Variants in ST8SIA1 observed in about 807,000 individuals in gnomAD.
ST8SIA1 encodes the protein alpha-N-acetylneuraminide alpha-2,8-sialyltransferase.
Under a neutral mutation model 35.9 loss-of-function variants are expected in ST8SIA1, and 16 were observed. The ratio of observed to expected loss-of-function variants is 0.45; its 90% CI spans 0.30 to 0.68. The LOEUF is 0.68. Ranked by LOEUF, ST8SIA1 falls within the 30% of genes least tolerant of loss-of-function variation. The probability of loss-of-function intolerance (pLI) is 0.09; values close to 1 mark genes in which losing one functional copy is unlikely to be tolerated. For synonymous variants in ST8SIA1, 170 were observed against 169.6 expected (o/e 1.00, Z -0.02); for missense variants, 383 against 453.6 (o/e 0.84, Z 1.41).
intron 2 of ST8SIA1, among the ~76,000 whole-genome samples, chr12:22,273,547 T>G (rs1170811811): frequency 6.6e-6 from 1 of 152,188 alleles, no homozygotes; most frequent in Non-Finnish European, 1.5e-5. Context: ...TTCCTGGTCA[T>G]GAGACAAGAA....
intron 2 of ST8SIA1, among the ~76,000 whole-genome samples, chr12:22,261,409 G>A (rs1461149258): frequency 3.9e-5 from 6 of 152,208 alleles, no homozygotes; most frequent in Non-Finnish European, 5.9e-5. Flanking sequence ...GATTACAGGC[G>A]TGAGCCACCA....
chr12:22,316,456 G>A (rs1007018341), intron 1 of ST8SIA1, among the ~76,000 whole-genome samples: 7 of 151,954 alleles, frequency 4.6e-5, no homozygotes, highest in Non-Finnish European at 7.4e-5. Flanking sequence ...GGAAAAAGTT[G>A]GATCTCTACC....
At chr12:22,307,853 G>A (rs1866404304) in intron 1 of ST8SIA1, among the ~76,000 whole-genome samples, 1 of 152,040 alleles carries the variant, frequency 6.6e-6, no homozygotes, top group Non-Finnish European at 1.5e-5. Flanking sequence ...TAAGCCAGGT[G>A]GTATTATCCT....
chr12:22,284,338 T>A (rs553101324), intron 2 of ST8SIA1, among the ~76,000 whole-genome samples: 1 of 152,340 alleles, frequency 6.6e-6, no homozygotes, highest in South Asian at 2.1e-4. Flanking sequence ...GCTTTGTTCA[T>A]GCTGAAAACG....
intron 4 of ST8SIA1, among the ~76,000 whole-genome samples, chr12:22,224,858 T>C (rs955352007): frequency 6.6e-6 from 1 of 152,206 alleles, no homozygotes; most frequent in Non-Finnish European, 1.5e-5. Flanking sequence ...AACTTCAGAA[T>C]GTGACTTTAT....
chr12:22,240,659 C>G (rs1177943495), intron 4 of ST8SIA1, among the ~76,000 whole-genome samples: 2 of 152,056 alleles, frequency 1.3e-5, no homozygotes, highest in Non-Finnish European at 2.9e-5. Flanking sequence ...TAATCTTGGA[C>G]CCAAGTTATT....
At chr12:22,246,762 T>A (rs1231402648) in intron 4 of ST8SIA1, among the ~76,000 whole-genome samples, 4 of 152,126 alleles carry the variant, frequency 2.6e-5, no homozygotes, top group South Asian at 2.1e-4. Flanking sequence ...CATGAGCAGG[T>A]TCCTAGATTC....
intron 1 of ST8SIA1, among the ~76,000 whole-genome samples, chr12:22,294,958 G>C (rs913867691): frequency 5.9e-5 from 9 of 152,032 alleles, no homozygotes; most frequent in Non-Finnish European, 2.9e-5. Context: ...TTAGTAGCTG[G>C]AAGTGACTGG....
intron 2 of ST8SIA1, among the ~76,000 whole-genome samples, chr12:22,267,098 C>G (rs1865858197): frequency 8.5e-5 from 13 of 152,168 alleles, no homozygotes; most frequent in Admixed American, 8.5e-4. Context: ...GCCAACTAAC[C>G]ATATACCAGT....
intron 4 of ST8SIA1, among the ~76,000 whole-genome samples, chr12:22,246,374 C>G (rs150968322): frequency 0.011 from 1,672 of 152,174 alleles, 14 homozygotes; most frequent in Non-Finnish European, 0.016. Flanking sequence ...TCTCCTTGTG[C>G]GACACATGGA....
intron 4 of ST8SIA1, among the ~76,000 whole-genome samples, chr12:22,227,632 T>A (rs1014815916): frequency 1.3e-5 from 2 of 151,860 alleles, no homozygotes; most frequent in Admixed American, 1.3e-4. Flanking sequence ...TATACCAAAT[T>A]TTTTTTCTAT....
At chr12:22,234,241 C>T (rs1173068252) in intron 4 of ST8SIA1, among the ~76,000 whole-genome samples, 1 of 140,562 alleles carries the variant, frequency 7.1e-6, no homozygotes, top group Non-Finnish European at 1.5e-5. Context: ...GCCTGAGTGA[C>T]AGATCAAAAC....
At chr12:22,318,536 A>G (rs900526973) in intron 1 of ST8SIA1, among the ~76,000 whole-genome samples, 2 of 152,190 alleles carry the variant, frequency 1.3e-5, no homozygotes, top group African/African-American at 4.8e-5. Flanking sequence ...AGAAAAAGGA[A>G]AAAAAGAGAC....
At chr12:22,255,240 G>A (rs1216875207) in intron 3 of ST8SIA1, 40 bp downstream of exon 3, 31 of 1,538,998 alleles carry the variant, frequency 2.0e-5, no homozygotes, top group Non-Finnish European at 2.7e-5. Flanking sequence ...TGGGGAAAAG[G>A]AGAGAAGGCA....
intron 3 of ST8SIA1, among the ~76,000 whole-genome samples, chr12:22,249,963 T>C (rs1426615904): frequency 6.6e-6 from 1 of 152,226 alleles, no homozygotes; most frequent in East Asian, 1.9e-4. Context: ...CTTGTGTGTG[T>C]GTGGCCAATG....
chr12:22,317,769 C>T (rs997037464), intron 1 of ST8SIA1, among the ~76,000 whole-genome samples: 3 of 152,210 alleles, frequency 2.0e-5, no homozygotes, highest in Non-Finnish European at 4.4e-5. Context: ...TCACTAAACG[C>T]AGCCTCCACT....
At position 22,334,052 on chromosome 12, in the gene ST8SIA1, C is replaced by A. The variant is rs767009102; in HGVS notation, c.181G>T (p.Val61Leu). The A allele has an allele frequency of 1.4e-5, 23 of 1,614,102 alleles. No individual in the cohort carries two copies. The highest frequency in any genetic ancestry group is 1.7e-5 in the Non-Finnish European group (20 of 1,180,036). The change falls in exon 1 of 5, where the codon GTG becomes TTG. Residue 61 changes from valine (V) to leucine (L), a missense_variant. Coordinates refer to ENST00000396037, the MANE Select transcript of ST8SIA1 (RefSeq NM_003034.4). ...LPNEKEIVQG[V>L]LQQGTAWRRN... ...CTCCACGCCGTGCCCTGTTGCAGCA[C>A]CCCCTGCACGATCTCTTTCTCGTTG...
chr12:22,239,055 T>C (rs1176080805), intron 4 of ST8SIA1, among the ~76,000 whole-genome samples: 1 of 152,210 alleles, frequency 6.6e-6, no homozygotes, highest in Non-Finnish European at 1.5e-5. Flanking sequence ...CTTCCTGACA[T>C]CCATTTTTAC....
At chr12:22,325,724 G>A (rs1331388611) in intron 1 of ST8SIA1, 2 of 615,486 alleles carry the variant, frequency 3.2e-6, no homozygotes, top group Non-Finnish European at 5.7e-6. Context: ...GATAAAATTT[G>A]ATTTATAAAT....
Sources: allele counts gnomAD v4.1 joint callset (sites outside exome capture counted in the v4.1 genomes callset), GRCh38; gene constraint gnomAD v4.1.1; transcripts MANE v1.5; gene names NCBI Gene and HGNC (gene_info 2026-07-23, HGNC 2026-07-21).